MACROD1: variants seen among roughly 807,000 people sequenced by gnomAD.
The protein encoded by MACROD1 is ADP-ribose glycohydrolase MACROD1.
In MACROD1, 31 loss-of-function variants were observed where a neutral mutation model predicts 41.4. That is an observed-to-expected ratio of 0.75 (90% CI 0.56 to 1.01). The LOEUF (loss-of-function observed/expected upper bound fraction) is 1.01, where lower values mean the gene tolerates loss of function less well. MACROD1 is among the 50% of genes least tolerant of loss of function. MACROD1 has a pLI of 0.00. For missense variants in MACROD1, 473 were observed against 460.0 expected (o/e 1.03, Z -0.26); for synonymous variants, 252 against 203.4 (o/e 1.24, Z -2.03).
intron 3 of MACROD1, among the ~76,000 whole-genome samples, chr11:64,087,420 G>A (rs756063863): frequency 1.3e-5 from 2 of 152,174 alleles, no homozygotes; most frequent in Non-Finnish European, 2.9e-5. Context: ...GGAGACTCCG[G>A]GGTGCGTCTG....
intron 4 of MACROD1, 86 bp downstream of exon 4, chr11:64,015,166 G>A: frequency 2.2e-6 from 3 of 1,376,568 alleles, no homozygotes; most frequent in South Asian, 3.0e-5. Context: ...AGTGAGATGG[G>A]CACCGAGGGC....
chr11:64,147,794 G>A (rs1590968113), intron 3 of MACROD1, among the ~76,000 whole-genome samples: 1 of 141,644 alleles, frequency 7.1e-6, no homozygotes, highest in South Asian at 2.3e-4. Flanking sequence ...CCAGGCTGGA[G>A]TGCAGTGGCA....
chr11:64,097,675 C>T (rs1944601899), intron 3 of MACROD1, among the ~76,000 whole-genome samples: 1 of 152,254 alleles, frequency 6.6e-6, no homozygotes, highest in Non-Finnish European at 1.5e-5. Context: ...AGCAGGCTCT[C>T]GCCTCCGCCT....
intron 3 of MACROD1, among the ~76,000 whole-genome samples, chr11:64,027,752 C>A (rs575054789): frequency 2.6e-5 from 4 of 152,144 alleles, no homozygotes; most frequent in Non-Finnish European, 5.9e-5. Flanking sequence ...CTACACTCGG[C>A]CTACAATTTC....
At chr11:64,092,230 C>G (rs1395413970) in intron 3 of MACROD1, among the ~76,000 whole-genome samples, 1 of 152,240 alleles carries the variant, frequency 6.6e-6, no homozygotes, top group African/African-American at 2.4e-5. Context: ...CTCCCCTGTT[C>G]TTGTCTTTCT....
chr11:64,105,643 G>GT (rs1565234963), intron 3 of MACROD1, among the ~76,000 whole-genome samples: 2 of 152,128 alleles, frequency 1.3e-5, no homozygotes, highest in Non-Finnish European at 1.5e-5. Context: ...CCCCACAGGC[G>GT]TGAGTGACCC....
intron 3 of MACROD1, chr11:64,148,762 T>G: frequency 1.0e-6 from 1 of 985,754 alleles, no homozygotes; most frequent in Non-Finnish European, 1.2e-6. Flanking sequence ...CCAACGACTT[T>G]TATTCCACTA....
At chr11:64,154,295 C>A (rs907681616) in intron 1 of MACROD1, among the ~76,000 whole-genome samples, 2 of 152,086 alleles carry the variant, frequency 1.3e-5, no homozygotes, top group Non-Finnish European at 2.9e-5. Flanking sequence ...TTTTGTTGCT[C>A]CATTCTTCCC....
chr11:64,017,774 AC>A (rs367806794), intron 3 of MACROD1, among the ~76,000 whole-genome samples: 3 of 150,066 alleles, frequency 2.0e-5, no homozygotes, highest in Admixed American at 6.6e-5. Flanking sequence ...CCTCCTCGGG[AC>A]CCCCCCACCT....
intron 3 of MACROD1, chr11:64,117,168 C>G (rs1454899293): frequency 6.2e-7 from 1 of 1,613,930 alleles, no homozygotes; most frequent in African/African-American, 1.3e-5. Context: ...GCGGCTGGAC[C>G]TGTCCAACAA....
chr11:64,017,546 G>A (rs934192939), intron 3 of MACROD1, among the ~76,000 whole-genome samples: 8 of 152,120 alleles, frequency 5.3e-5, no homozygotes, highest in Non-Finnish European at 1.0e-4. Flanking sequence ...CCCTGGCCAG[G>A]GGTGGGGCTT....
rs1211623442 is a variant in MACROD1 at position 64,036,552 on chromosome 11, A to G, written c.518-21271T>C. ...CGGTCATGTGGGTCCCAGCTCCCGC[A>G]CTCGGGAACCGGAGGAGGGCGCGCG... is the stretch of plus-strand genomic sequence containing the variant. On this transcript the variant is annotated intron_variant, in intron 3 of 10. Coordinates refer to ENST00000255681, the MANE Select transcript of MACROD1 (RefSeq NM_014067.4). The surrounding 1 kb of genome is among the most constrained non-coding windows in gnomAD (Gnocchi z 5.6). 6.6e-6 allele frequency among the ~76,000 whole-genome samples: 1 copy of G among 151,892 alleles called. No individual in the cohort carries two copies. Among genetic ancestry groups the G allele is most frequent in the African/African-American group, 2.4e-5 (1 of 41,334 alleles).
chr11:64,010,145 G>A (rs1304937043), intron 4 of MACROD1, among the ~76,000 whole-genome samples: 1 of 151,246 alleles, frequency 6.6e-6, no homozygotes, highest in African/African-American at 2.4e-5. Flanking sequence ...TGGTTGGGGT[G>A]TTGGTTGAAG....
chr11:64,008,867 T>A (rs1191682599), intron 4 of MACROD1: 2 of 152,130 alleles, frequency 1.3e-5, no homozygotes, highest in Admixed American at 6.5e-5. Context: ...CCTGACTCCC[T>A]CCCACCCATG....
intron 3 of MACROD1, among the ~76,000 whole-genome samples, chr11:64,051,419 C>T (rs888222401): frequency 1.2e-4 from 18 of 152,194 alleles, no homozygotes; most frequent in Admixed American, 2.6e-4. Flanking sequence ...TCAGTGGTGA[C>T]AGTGATGGCG....
At chr11:64,069,188 G>A (rs982671284) in intron 3 of MACROD1, among the ~76,000 whole-genome samples, 2 of 152,232 alleles carry the variant, frequency 1.3e-5, no homozygotes, top group Non-Finnish European at 2.9e-5. Flanking sequence ...GAGCAGAGCA[G>A]GAGGGCCACT....
intron 3 of MACROD1, among the ~76,000 whole-genome samples, chr11:64,045,133 C>T (rs1169054938): frequency 2.6e-5 from 4 of 151,624 alleles, no homozygotes; most frequent in South Asian, 4.2e-4. Context: ...CTGCCTCGGC[C>T]GAGTGCTTTT....
chr11:64,147,966 C>T (rs1368978053), intron 3 of MACROD1, among the ~76,000 whole-genome samples: 1 of 151,884 alleles, frequency 6.6e-6, no homozygotes, highest in African/African-American at 2.4e-5. Flanking sequence ...CTCAAACTCC[C>T]GAGCTCAAGT....
At position 64,120,516 on chromosome 11, in the gene MACROD1, G is replaced by A. The variant is rs922265053; in HGVS notation, c.517+30723C>T. The stretch of plus-strand genomic sequence containing the variant: ...AGCCTGGCCAACATGGTGAAAGTCC[G>A]TCTCTCTAAAAATGCAAAAATTAGC... On this transcript the variant is annotated intron_variant, in intron 3 of 10. Transcript: ENST00000255681. The surrounding 1 kb of genome is among the most constrained non-coding windows in gnomAD (Gnocchi z 4.5). Among the ~76,000 whole-genome samples, 2 of 152,064 alleles carry A rather than the reference G, an allele frequency of 1.3e-5. No individual in the cohort carries two copies. The highest frequency in any genetic ancestry group is 2.4e-5 in the African/African-American group (1 of 41,402).
Sources: allele counts gnomAD v4.1 joint callset (sites outside exome capture counted in the v4.1 genomes callset), GRCh38; gene constraint gnomAD v4.1.1; non-coding constraint Gnocchi (gnomAD v3.1); transcripts MANE v1.5; gene names NCBI Gene and HGNC (gene_info 2026-07-23, HGNC 2026-07-21).